The following TENM1 variants were observed in gnomAD, a reference collection of about 807,000 sequenced individuals.
TENM1 encodes the protein teneurin transmembrane protein 1, also known as teneurin-1.
Under a neutral mutation model 174.8 loss-of-function variants are expected in TENM1, and 35 were observed. The observed-to-expected ratio is 0.20, with a 90% CI of 0.15 to 0.27. The LOEUF (loss-of-function observed/expected upper bound fraction) is 0.27, where lower values mean the gene tolerates loss of function less well. Ranked by LOEUF, TENM1 falls within the 10% of genes least tolerant of loss-of-function variation. The probability of loss-of-function intolerance (pLI) is 1.00; values close to 1 mark genes in which losing one functional copy is unlikely to be tolerated. For synonymous variants in TENM1, 781 were observed against 798.7 expected (o/e 0.98, Z 0.37); for missense variants, 1,633 against 2,130.1 (o/e 0.77, Z 4.59).
At position 124,905,826 on chromosome X, in the gene TENM1, C is replaced by A. The variant is rs763875688; in HGVS notation, c.218-9585G>T. Among the ~76,000 whole-genome samples the A allele has an allele frequency of 4.5e-5, 5 of 111,526 alleles. No individual in the cohort carries two copies. In the East Asian group the frequency reaches 1.4e-3, roughly 32 times the overall value. On this transcript the variant is annotated intron_variant, in intron 1 of 31. Coordinates refer to ENST00000422452, the Ensembl canonical transcript of TENM1. Reference sequence around the variant, plus strand: ...TCACCTGCACTCTGGACAGCACATGCGTGCAAGAAAACCATCTGAGAATGG... The same window carrying A: ...TCACCTGCACTCTGGACAGCACATGAGTGCAAGAAAACCATCTGAGAATGG...
chrX:124,869,904 T>C (rs1009578249), intron 3 of TENM1, among the ~76,000 whole-genome samples: 1 of 111,208 alleles, frequency 9.0e-6, no homozygotes, highest in Non-Finnish European at 1.9e-5. Context: ...TGAGACCTAC[T>C]ATACGACAGC....
At position 124,381,034 on chromosome X, in the gene TENM1, C is replaced by T. The variant is rs148866987; in HGVS notation, c.7701G>A (p.Leu2567=). 1.2e-5 allele frequency: 14 copies of T among 1,210,098 alleles called. No individual in the cohort carries two copies. In the African/African-American group the frequency reaches 1.9e-4, roughly 17 times the overall value. ...CCTCTATGGTAAAATGTAGGTTTTCCAGGTAATGGGCATTATTGAGAATGG... is the reference window on the plus strand; with the variant it reads ...CCTCTATGGTAAAATGTAGGTTTTCTAGGTAATGGGCATTATTGAGAATGG... The change falls in exon 32 of 32, where the codon CTG becomes CTA. Residue 2567 remains leucine (L), a synonymous_variant. Transcript: ENST00000422452.
At chrX:124,413,928 C>T (rs956092616) in intron 25 of TENM1, among the ~76,000 whole-genome samples, 2 of 111,802 alleles carry the variant, frequency 1.8e-5, no homozygotes, top group Admixed American at 9.5e-5. Flanking sequence ...AATATCTCAC[C>T]CAGAGACATG....
At chrX:124,874,492 A>T (rs2057163843) in intron 3 of TENM1, among the ~76,000 whole-genome samples, 1 of 109,649 alleles carries the variant, frequency 9.1e-6, no homozygotes, top group Non-Finnish European at 1.9e-5. Flanking sequence ...GAGGAAATTG[A>T]CTGTCTCTGT....
At chrX:124,814,306 A>C (rs752485351) in intron 3 of TENM1, among the ~76,000 whole-genome samples, 2 of 111,968 alleles carry the variant, frequency 1.8e-5, no homozygotes, top group South Asian at 7.4e-4. Flanking sequence ...AGAGTGCTCC[A>C]TGAGTGTTAA....
chrX:125,139,725 C>G, the TENM1 span, among the ~76,000 whole-genome samples: 1 of 109,035 alleles, frequency 9.2e-6, no homozygotes, highest in South Asian at 4.0e-4. Context: ...CCCTTATAAT[C>G]TACTCAAATC....
the TENM1 span, among the ~76,000 whole-genome samples, chrX:125,011,978 T>C: frequency 8.9e-6 from 1 of 111,818 alleles, no homozygotes; most frequent in Non-Finnish European, 1.9e-5. Flanking sequence ...ATGTGGTACA[T>C]ATACACCATG....
intron 11 of TENM1, among the ~76,000 whole-genome samples, chrX:124,569,206 A>G: frequency 9.0e-6 from 1 of 111,233 alleles, no homozygotes; most frequent in Admixed American, 9.6e-5. Context: ...TCAAACAAAC[A>G]AACAAACAAA....
chrX:124,929,714 T>C (rs1461155181), intron 1 of TENM1, among the ~76,000 whole-genome samples: 1 of 112,007 alleles, frequency 8.9e-6, no homozygotes, highest in Non-Finnish European at 1.9e-5. Flanking sequence ...CTTAGTTTTC[T>C]GACATGGCTT....
At chrX:124,939,017 G>A (rs746942264) in intron 1 of TENM1, among the ~76,000 whole-genome samples, 2 of 111,688 alleles carry the variant, frequency 1.8e-5, no homozygotes, top group South Asian at 3.8e-4. Context: ...AAAGGGAGGC[G>A]GGGAGATAGA....
the TENM1 span, among the ~76,000 whole-genome samples, chrX:125,152,373 T>C: frequency 9.0e-6 from 1 of 111,170 alleles, no homozygotes; most frequent in East Asian, 2.8e-4. Flanking sequence ...GAAAAAATAA[T>C]AAAAGTGACA....
At chrX:124,423,624 G>A (rs983814797) in intron 23 of TENM1, among the ~76,000 whole-genome samples, 2 of 111,079 alleles carry the variant, frequency 1.8e-5, no homozygotes, top group East Asian at 5.6e-4. Context: ...GAAATGAACA[G>A]TAGGAGAAGA....
At chrX:124,492,660 G>T (rs1212425395) in intron 20 of TENM1, among the ~76,000 whole-genome samples, 1 of 110,915 alleles carries the variant, frequency 9.0e-6, no homozygotes, top group Non-Finnish European at 1.9e-5. Context: ...AAATGATCAT[G>T]TATATTCCAT....
chrX:124,839,783 C>T (rs914493922), intron 3 of TENM1, among the ~76,000 whole-genome samples: 2 of 112,046 alleles, frequency 1.8e-5, no homozygotes, highest in African/African-American at 6.5e-5. Context: ...TTTAAATCGT[C>T]TGGTCCCTGT....
intron 11 of TENM1, among the ~76,000 whole-genome samples, chrX:124,576,794 G>T (rs2049176290): frequency 9.0e-6 from 1 of 111,669 alleles, no homozygotes; most frequent in Non-Finnish European, 1.9e-5. Context: ...TCCCTTTTAT[G>T]AATGATATTT....
chrX:124,446,011 A>T (rs2060961500), intron 23 of TENM1, among the ~76,000 whole-genome samples: 1 of 112,534 alleles, frequency 8.9e-6, no homozygotes, highest in Admixed American at 9.4e-5. Context: ...ATTTCAGTAA[A>T]TCAAAAAAAG....
chrX:124,737,902 G>A (rs2053712798), intron 3 of TENM1, among the ~76,000 whole-genome samples: 1 of 112,174 alleles, frequency 8.9e-6, no homozygotes, highest in Admixed American at 9.4e-5. Flanking sequence ...TGCCATGTTA[G>A]CGGCAGCTTA....
At position 124,556,394 on chromosome X, in the gene TENM1, G is replaced by C. The variant is rs765585698; in HGVS notation, c.2434+5277C>G. Among the ~76,000 whole-genome samples the C allele has an allele frequency of 3.6e-5, 4 of 111,237 alleles. No individual in the cohort carries two copies. In the South Asian group the frequency reaches 1.2e-3, roughly 32 times the overall value. On this transcript the variant is annotated intron_variant, in intron 14 of 31. Transcript: ENST00000422452. Reference sequence around the variant, plus strand: ...AACCCAGGAGGCAACAGTTGTTTGGGGTCCTCAAGGCATTTTGTTTGTTGT... The same window carrying C: ...AACCCAGGAGGCAACAGTTGTTTGGCGTCCTCAAGGCATTTTGTTTGTTGT...
the TENM1 span, among the ~76,000 whole-genome samples, chrX:125,145,109 C>A: frequency 9.0e-6 from 1 of 111,166 alleles, no homozygotes; most frequent in Non-Finnish European, 1.9e-5. Flanking sequence ...AGTCCTCCCC[C>A]TTCCAATTTT....
Sources: gnomAD v4.1 joint callset for allele counts (sites outside exome capture counted in the v4.1 genomes callset) on GRCh38, gnomAD v4.1.1 for gene constraint, MANE v1.5 for transcripts, NCBI Gene and HGNC (gene_info 2026-07-23, HGNC 2026-07-21) for gene names.